Variants in SLC30A9 observed in about 807,000 individuals in gnomAD.
SLC30A9 encodes the protein solute carrier family 30 member 9, also known as proton-coupled zinc antiporter SLC30A9, mitochondrial.
A neutral mutation model predicts 87.5 loss-of-function variants in SLC30A9; 58 were observed. The ratio of observed to expected loss-of-function variants is 0.66; its 90% CI spans 0.54 to 0.82. The LOEUF (loss-of-function observed/expected upper bound fraction) is 0.82. Among genes scored for constraint, SLC30A9 ranks in the 40% least tolerant of loss-of-function variants. SLC30A9 has a pLI of 0.00. For synonymous variants in SLC30A9, 234 were observed against 233.0 expected (o/e 1.00, Z -0.04); for missense variants, 557 against 679.1 (o/e 0.82, Z 2.00).
intron 6 of SLC30A9, among the ~76,000 whole-genome samples, chr4:42,030,336 CAAAAG>C (rs1385513048): frequency 6.6e-6 from 1 of 152,030 alleles, no homozygotes; most frequent in Non-Finnish European, 1.5e-5. Context: ...CTGTAAATGA[CAAAAG>C]AAAAATTGAG....
At position 42,037,972 on chromosome 4, in the gene SLC30A9, A is replaced by G. The variant is rs1052006611; in HGVS notation, c.670-1014A>G. On this transcript the variant is annotated intron_variant, in intron 7 of 17. Transcript: ENST00000264451. ...ATTTTAGTAGAGACGGGGTTTTACCATGTTGTCCACACTGGTCTCAAACTC... is the reference window on the plus strand; with the variant it reads ...ATTTTAGTAGAGACGGGGTTTTACCGTGTTGTCCACACTGGTCTCAAACTC... 3.3e-5 allele frequency among the ~76,000 whole-genome samples: 5 copies of G among 151,996 alleles called. No individual in the cohort carries two copies. In the East Asian group the frequency reaches 7.7e-4, roughly 24 times the overall value.
chr4:42,016,954 AT>A (rs1715749324), intron 2 of SLC30A9, among the ~76,000 whole-genome samples: 1 of 152,176 alleles, frequency 6.6e-6, no homozygotes, highest in Non-Finnish European at 1.5e-5. Flanking sequence ...AGCCAAATAT[AT>A]TGACCTAGAA....
chr4:42,032,903 C>T (rs934689293), intron 6 of SLC30A9, among the ~76,000 whole-genome samples: 5 of 152,134 alleles, frequency 3.3e-5, no homozygotes, highest in African/African-American at 1.2e-4. Flanking sequence ...AAAATAAAAT[C>T]AAGTTAAAGT....
rs539190933 is a variant in SLC30A9, at chr4:41,994,827, CAA to C, written c.109+4085_109+4086del. 4.8e-3 allele frequency among the ~76,000 whole-genome samples: 454 copies of C among 94,744 alleles called. 3 individuals carry two copies. The highest frequency in any genetic ancestry group is 0.011 in the South Asian group (30 of 2,804). The allele number at this position is 94,744 out of a possible 152,430, so 62.2% of individuals were successfully genotyped here. The stretch of plus-strand genomic sequence containing the variant: ...TGCTTGAACCCGTCAGATGTGGTCT[CAA>C]AAAAAAAAAAAAAAAAAGACCATTT... On this transcript the variant is annotated intron_variant, in intron 1 of 17. Coordinates refer to ENST00000264451, the MANE Select transcript of SLC30A9 (RefSeq NM_006345.4).
Position 42,082,801 on chromosome 4 carries a change from T to G in SLC30A9, c.1663-3281T>G, listed in dbSNP as rs182530397. ...AGGTGGAGGTTGCAGTGAGCCGAGA[T>G]TGTGCCACTGCACTTCAGCCTGGGT... On this transcript the variant is annotated intron_variant, in intron 17 of 17. Coordinates refer to ENST00000264451, the MANE Select transcript of SLC30A9 (RefSeq NM_006345.4). Among the ~76,000 whole-genome samples the G allele has an allele frequency of 8.6e-5, 13 of 151,700 alleles. No individual in the cohort carries two copies. The East Asian group carries it at 2.5e-3, about 29-fold the overall frequency.
intron 2 of SLC30A9, among the ~76,000 whole-genome samples, chr4:42,010,814 A>G (rs1715407107): frequency 6.6e-6 from 1 of 152,236 alleles, no homozygotes; most frequent in Non-Finnish European, 1.5e-5. Context: ...TTGGACTAAA[A>G]AAAGACATGT....
intron 14 of SLC30A9, chr4:42,070,245 G>T: frequency 7.5e-6 from 2 of 265,624 alleles, no homozygotes; most frequent in African/African-American, 2.2e-5. Context: ...TTTTGTATTG[G>T]TGTCTCTAAT....
chr4:42,037,145 A>C (rs577506615), intron 7 of SLC30A9, among the ~76,000 whole-genome samples: 1 of 149,220 alleles, frequency 6.7e-6, no homozygotes, highest in Admixed American at 6.8e-5. Flanking sequence ...CTGTACCCCT[A>C]TTCCCTTTAG....
At chr4:42,021,445 TCA>T (rs1715944884) in intron 4 of SLC30A9, among the ~76,000 whole-genome samples, 1 of 152,218 alleles carries the variant, frequency 6.6e-6, no homozygotes, top group African/African-American at 2.4e-5. Flanking sequence ...CATTACATAG[TCA>T]CAGACTTTTT....
chr4:41,993,374 T>C (rs1037959635), intron 1 of SLC30A9, among the ~76,000 whole-genome samples: 6 of 152,180 alleles, frequency 3.9e-5, no homozygotes, highest in African/African-American at 1.4e-4. Context: ...AAACAGTGAC[T>C]ACTCAATTAG....
At chr4:42,053,110 G>A (rs1371520326) in intron 9 of SLC30A9, among the ~76,000 whole-genome samples, 1 of 152,196 alleles carries the variant, frequency 6.6e-6, no homozygotes, top group East Asian at 1.9e-4. Context: ...GTGGACACCT[G>A]AAAATGTGCT....
At chr4:42,071,605 G>C (rs2153140668) in intron 15 of SLC30A9, among the ~76,000 whole-genome samples, 1 of 151,256 alleles carries the variant, frequency 6.6e-6, no homozygotes, top group Non-Finnish European at 1.5e-5. Context: ...TGAGGCTAGT[G>C]TGCAATGATC....
At chr4:42,002,241 G>A (rs1166451994) in intron 2 of SLC30A9, among the ~76,000 whole-genome samples, 1 of 151,174 alleles carries the variant, frequency 6.6e-6, no homozygotes, top group African/African-American at 2.4e-5. Context: ...CTTTTTTTGG[G>A]TTTGTTCAGT....
chr4:42,012,323 A>G (rs1221131520), intron 2 of SLC30A9, among the ~76,000 whole-genome samples: 3 of 152,218 alleles, frequency 2.0e-5, no homozygotes, highest in African/African-American at 2.4e-5. Context: ...GTGATTTGGA[A>G]TAATATCCAG....
chr4:42,037,571 G>C (rs1042778784), intron 7 of SLC30A9, among the ~76,000 whole-genome samples: 1 of 151,870 alleles, frequency 6.6e-6, no homozygotes, highest in East Asian at 1.9e-4. Context: ...AACAATTTAT[G>C]CTCCTTTTCC....
chr4:42,036,608 TTC>T (rs2153137168), intron 7 of SLC30A9, among the ~76,000 whole-genome samples: 1 of 152,360 alleles, frequency 6.6e-6, no homozygotes, highest in Non-Finnish European at 1.5e-5. Context: ...GCACATTTTC[TTC>T]TCTCTGGTGG....
chr4:41,993,692 T>G (rs897863895), intron 1 of SLC30A9, among the ~76,000 whole-genome samples: 4 of 152,168 alleles, frequency 2.6e-5, no homozygotes, highest in African/African-American at 9.7e-5. Context: ...CTAACAGTTT[T>G]TACTCAAAAG....
chr4:42,028,815 T>C (rs1292218544), intron 6 of SLC30A9, among the ~76,000 whole-genome samples: 1 of 152,172 alleles, frequency 6.6e-6, no homozygotes, highest in African/African-American at 2.4e-5. Flanking sequence ...AAATTCAAAA[T>C]GGAAATTTTT....
rs1715805245 is a variant in SLC30A9, at chr4:42,018,325, C to G, written c.334+155C>G. On this transcript the variant is annotated intron_variant, in intron 3 of 17. Coordinates refer to ENST00000264451, the MANE Select transcript of SLC30A9 (RefSeq NM_006345.4). ...TAGATTGACCATAAGGATTTATTCT[C>G]TTACATATAAACTAATTTTCTATTA... 6 of 845,406 alleles carry G rather than the reference C, an allele frequency of 7.1e-6. 1 individual carries two copies. The highest frequency in any genetic ancestry group is 4.9e-5 in the South Asian group (3 of 61,508). 52.4% of individuals were successfully genotyped at this position (845,406 alleles called of 1,614,324 possible). A position where few individuals can be genotyped will look rare whatever the true frequency, so the allele number is the denominator to read the frequency against.
Sources: allele counts gnomAD v4.1 joint callset (sites outside exome capture counted in the v4.1 genomes callset), GRCh38; gene constraint gnomAD v4.1.1; transcripts MANE v1.5; gene names NCBI Gene and HGNC (gene_info 2026-07-23, HGNC 2026-07-21).